IQCM: variants seen among roughly 807,000 people sequenced by gnomAD.
IQCM encodes IQ domain-containing protein M.
IQCM carries 45 observed loss-of-function variants against 57.6 expected under a neutral mutation model. That is an observed-to-expected ratio of 0.78 (90% CI 0.62 to 1.00). The LOEUF is 1.00. IQCM is among the 50% of genes least tolerant of loss of function. The pLI, the probability that IQCM is intolerant of heterozygous loss-of-function variation, is 0.00. For synonymous variants in IQCM, 148 were observed against 158.9 expected (o/e 0.93, Z 0.51); for missense variants, 468 against 511.6 (o/e 0.91, Z 0.82).
intron 5 of IQCM, among the ~76,000 whole-genome samples, chr4:149,698,589 C>A (rs193299428): frequency 1.8e-4 from 27 of 151,912 alleles, no homozygotes; most frequent in Non-Finnish European, 3.4e-4. Context: ...ACTACAAAAA[C>A]GTAACTATTT....
intron 12 of IQCM, among the ~76,000 whole-genome samples, chr4:149,543,513 C>G (rs1748064398): frequency 7.0e-6 from 1 of 142,088 alleles, no homozygotes; most frequent in African/African-American, 2.6e-5. Context: ...CCGATTTCAT[C>G]CATGTCCCTA....
chr4:149,549,996 A>G (rs911090578), intron 11 of IQCM, among the ~76,000 whole-genome samples: 1 of 152,224 alleles, frequency 6.6e-6, no homozygotes, highest in Admixed American at 6.5e-5. Flanking sequence ...AGCAAACTAG[A>G]GCAGTTTCTT....
intron 13 of IQCM, among the ~76,000 whole-genome samples, chr4:149,379,280 A>T (rs1730911619): frequency 6.6e-6 from 1 of 152,170 alleles, no homozygotes; most frequent in South Asian, 2.1e-4. Flanking sequence ...AGCTGTGAGA[A>T]GAGGGCCGCC....
intron 13 of IQCM, among the ~76,000 whole-genome samples, chr4:149,409,020 C>T (rs1294882811): frequency 1.3e-5 from 2 of 152,146 alleles, no homozygotes; most frequent in Non-Finnish European, 2.9e-5. Flanking sequence ...GGTAAAGTTA[C>T]ATAAAATGAT....
chr4:149,661,389 G>A (rs1402228414), intron 7 of IQCM, among the ~76,000 whole-genome samples: 1 of 152,092 alleles, frequency 6.6e-6, no homozygotes, highest in Non-Finnish European at 1.5e-5. Context: ...TTGCATCTAT[G>A]TTCGTCAAGG....
rs1233019287 is a variant in IQCM at position 149,436,638 on chromosome 4, T to C, written c.1229-3081A>G. Among the ~76,000 whole-genome samples the C allele has an allele frequency of 2.6e-5, 4 of 152,252 alleles. No homozygotes were observed. In the East Asian group the frequency reaches 7.7e-4, roughly 29 times the overall value. ...TAAAACTCTCTTCTTTATATTTCAT[T>C]ACACATGTCATCCCAAGATAAAAGC... On this transcript the variant is annotated intron_variant, in intron 12 of 13. Transcript: ENST00000636793.
chr4:149,597,525 G>A (rs1209838537), intron 8 of IQCM, among the ~76,000 whole-genome samples: 1 of 152,026 alleles, frequency 6.6e-6, no homozygotes, highest in Non-Finnish European at 1.5e-5. Context: ...CGAGTAGCTG[G>A]GATTACAGGC....
Position 149,404,466 on chromosome 4 carries a change from G to A in IQCM, c.1390+28930C>T, listed in dbSNP as rs538897237. On this transcript the variant is annotated intron_variant, in intron 13 of 13. Transcript: ENST00000636793. ...ACAAGAGTACCCTGAGAGTTCAAACGTTATGTCTGAATAATCTTTACTAAA... is the reference window on the plus strand; with the variant it reads ...ACAAGAGTACCCTGAGAGTTCAAACATTATGTCTGAATAATCTTTACTAAA... Among the ~76,000 whole-genome samples, 10 of 152,110 alleles carry A rather than the reference G, an allele frequency of 6.6e-5. No individual in the cohort carries two copies. The East Asian group carries it at 1.4e-3, about 21-fold the overall frequency.
At chr4:149,741,299 T>C (rs1438519884) in intron 3 of IQCM, among the ~76,000 whole-genome samples, 1 of 152,132 alleles carries the variant, frequency 6.6e-6, no homozygotes, top group Non-Finnish European at 1.5e-5. Flanking sequence ...CACCAAGAAA[T>C]GCTAATAAGT....
chr4:149,545,640 A>G (rs1748319830), intron 12 of IQCM, among the ~76,000 whole-genome samples: 1 of 152,180 alleles, frequency 6.6e-6, no homozygotes, highest in African/African-American at 2.4e-5. Flanking sequence ...ATTTCCTTAA[A>G]CAATTAAAAA....
chr4:149,614,108 T>C (rs1046656336), intron 8 of IQCM, among the ~76,000 whole-genome samples: 1 of 152,156 alleles, frequency 6.6e-6, no homozygotes, highest in Non-Finnish European at 1.5e-5. Context: ...TTCTCCTCTC[T>C]CATGTAGGAT....
Position 149,757,739 on chromosome 4 carries a change from A to ATG in IQCM, c.-48-15001_-48-15000insCA, listed in dbSNP as rs71955935. ...ACATTAGATATATTCCTGATATTAT[A>ATG]TATGTGTGTGTGTGTGTGTGTGTGT... On this transcript the variant is annotated intron_variant, in intron 2 of 13. Transcript: ENST00000636793. 5.0e-3 allele frequency among the ~76,000 whole-genome samples: 498 copies of ATG among 100,190 alleles called. 3 individuals carry two copies. Among genetic ancestry groups the ATG allele is most frequent in the African/African-American group, 0.013 (414 of 31,980 alleles). 65.7% of individuals were successfully genotyped at this position (100,190 alleles called of 152,430 possible). A position where few individuals can be genotyped will look rare whatever the true frequency, so the allele number is the denominator to read the frequency against.
intron 8 of IQCM, among the ~76,000 whole-genome samples, chr4:149,598,462 CA>C (rs948929026): frequency 1.3e-5 from 2 of 151,772 alleles, no homozygotes; most frequent in Non-Finnish European, 2.9e-5. Context: ...GAGGATACTT[CA>C]AAAAATAAGA....
intron 12 of IQCM, among the ~76,000 whole-genome samples, chr4:149,467,219 A>G (rs984344367): frequency 2.0e-5 from 3 of 152,254 alleles, no homozygotes; most frequent in Non-Finnish European, 2.9e-5. Context: ...ATAGATGCCT[A>G]CAAAAATCTC....
chr4:149,598,701 C>T (rs781058178), intron 8 of IQCM, among the ~76,000 whole-genome samples: 4 of 152,166 alleles, frequency 2.6e-5, no homozygotes, highest in Non-Finnish European at 5.9e-5. Flanking sequence ...AATATAATTT[C>T]ATAAGTGCCA....
At chr4:149,693,853 C>A (rs1327415411) in intron 5 of IQCM, among the ~76,000 whole-genome samples, 2 of 152,132 alleles carry the variant, frequency 1.3e-5, no homozygotes, top group Non-Finnish European at 2.9e-5. Flanking sequence ...TGTCTTATAT[C>A]CACCTGATAA....
At chr4:149,373,929 G>C (rs1412065434) in intron 13 of IQCM, among the ~76,000 whole-genome samples, 1 of 152,116 alleles carries the variant, frequency 6.6e-6, no homozygotes, top group Non-Finnish European at 1.5e-5. Flanking sequence ...CCTTTTCTCT[G>C]CCCTCACCTT....
rs139045486 is a variant in IQCM, at chr4:149,736,842, T to C, written c.38-1384A>G. On this transcript the variant is annotated intron_variant, in intron 3 of 13. Transcript: ENST00000636793. Reference sequence around the variant, plus strand: ...CCCAGCAATTCCAATCCTAGGTATTTACCAGAGAGAATGAAAATGTATGTT... The same window carrying C: ...CCCAGCAATTCCAATCCTAGGTATTCACCAGAGAGAATGAAAATGTATGTT... 1.4e-3 allele frequency among the ~76,000 whole-genome samples: 206 copies of C among 152,316 alleles called. 1 individual carries two copies. The highest frequency in any genetic ancestry group is 4.6e-3 in the African/African-American group (193 of 41,586).
At chr4:149,590,627 G>C (rs1002176928) in intron 8 of IQCM, among the ~76,000 whole-genome samples, 1 of 151,510 alleles carries the variant, frequency 6.6e-6, no homozygotes, top group African/African-American at 2.4e-5. Context: ...ACAGGCCCCA[G>C]TGTGTGATGT....
Sources: allele counts gnomAD v4.1 joint callset (sites outside exome capture counted in the v4.1 genomes callset), GRCh38; gene constraint gnomAD v4.1.1; transcripts MANE v1.5; gene names NCBI Gene and HGNC (gene_info 2026-07-23, HGNC 2026-07-21).